Variants in RNF130 observed in about 807,000 individuals in gnomAD.
The protein encoded by RNF130 is E3 ubiquitin-protein ligase RNF130.
In RNF130, 21 loss-of-function variants were observed where a neutral mutation model predicts 44.6. The observed-to-expected ratio is 0.47, with a 90% CI of 0.33 to 0.68. The LOEUF (loss-of-function observed/expected upper bound fraction) is 0.68, where lower values mean the gene tolerates loss of function less well. Ranked by LOEUF, RNF130 falls within the 30% of genes least tolerant of loss-of-function variation. The pLI is 0.02. For missense variants in RNF130, 479 were observed against 560.6 expected (o/e 0.85, Z 1.47); for synonymous variants, 214 against 210.4 (o/e 1.02, Z -0.15).
intron 8 of RNF130, among the ~76,000 whole-genome samples, chr5:179,959,825 G>T (rs1260677896): frequency 6.6e-6 from 1 of 152,158 alleles, no homozygotes; most frequent in African/African-American, 2.4e-5. Flanking sequence ...CATGCCACTG[G>T]ATCATTTGCT....
At chr5:179,924,514 C>T (rs1210755402) in intron 7 of RNF130, among the ~76,000 whole-genome samples, 1 of 138,522 alleles carries the variant, frequency 7.2e-6, no homozygotes, top group Non-Finnish European at 1.5e-5. Flanking sequence ...AAAATAAATA[C>T]AGGCTGGGCG....
At chr5:179,969,570 T>C (rs1762533635) in intron 6 of RNF130, among the ~76,000 whole-genome samples, 1 of 152,018 alleles carries the variant, frequency 6.6e-6, no homozygotes, top group African/African-American at 2.4e-5. Context: ...AGAAGCACCC[T>C]TTTAAAAGTG....
intron 2 of RNF130, among the ~76,000 whole-genome samples, chr5:180,025,578 A>T (rs1406362009): frequency 6.6e-6 from 1 of 152,028 alleles, no homozygotes. Context: ...GGCTATTTTT[A>T]TTTTTTTAAA....
chr5:179,937,931 T>TGAGAGA (rs1352445372), intron 7 of RNF130, among the ~76,000 whole-genome samples: 17 of 131,108 alleles, frequency 1.3e-4, no homozygotes, highest in East Asian at 8.8e-4. Context: ...TGTGTGTGTG[T>TGAGAGA]GTGAGAGAGA....
At chr5:179,965,742 T>G (rs1478823135) in intron 7 of RNF130, among the ~76,000 whole-genome samples, 2 of 152,228 alleles carry the variant, frequency 1.3e-5, no homozygotes, top group Non-Finnish European at 2.9e-5. Context: ...TTTTCTCTAT[T>G]GCATAGCTGA....
intron 2 of RNF130, among the ~76,000 whole-genome samples, chr5:180,021,858 G>A (rs1763878780): frequency 1.3e-5 from 2 of 152,194 alleles, no homozygotes; most frequent in South Asian, 4.1e-4. Context: ...AAGCTTCTGC[G>A]ACTTTCCCAA....
intron 2 of RNF130, among the ~76,000 whole-genome samples, chr5:180,033,496 G>A (rs1764179190): frequency 6.6e-6 from 1 of 152,106 alleles, no homozygotes; most frequent in Non-Finnish European, 1.5e-5. Context: ...GGCTGAGGTG[G>A]GCAGGTCACT....
chr5:179,973,356 C>G (rs1034568251), intron 5 of RNF130, among the ~76,000 whole-genome samples: 6 of 152,194 alleles, frequency 3.9e-5, no homozygotes, highest in Admixed American at 3.9e-4. Context: ...CATTGTCTAA[C>G]CCTCCTGCTA....
intron 3 of RNF130, among the ~76,000 whole-genome samples, chr5:179,984,627 G>A (rs1762913956): frequency 6.6e-6 from 1 of 151,982 alleles, no homozygotes; most frequent in South Asian, 2.1e-4. Context: ...TATATATATT[G>A]TTAAATATAA....
intron 7 of RNF130, chr5:179,939,584 T>C: frequency 2.7e-6 from 1 of 370,250 alleles, no homozygotes; most frequent in South Asian, 2.4e-5. Flanking sequence ...TAACCATTTC[T>C]AGTAGAAGTT....
At chr5:179,934,905 T>C (rs1761866619) in intron 7 of RNF130, among the ~76,000 whole-genome samples, 1 of 152,200 alleles carries the variant, frequency 6.6e-6, no homozygotes, top group Non-Finnish European at 1.5e-5. Flanking sequence ...AGGTAAGATC[T>C]TTATTTCCTT....
chr5:180,028,752 A>G (rs543880474), intron 2 of RNF130, among the ~76,000 whole-genome samples: 183 of 152,352 alleles, frequency 1.2e-3, no homozygotes, highest in African/African-American at 4.3e-3. Context: ...GGCATATAGC[A>G]GGTATAAATC....
At chr5:179,982,441 A>G (rs1762860106) in intron 3 of RNF130, among the ~76,000 whole-genome samples, 1 of 152,064 alleles carries the variant, frequency 6.6e-6, no homozygotes, top group African/African-American at 2.4e-5. Context: ...TAGTTGTCTG[A>G]CTTTTATTTA....
chr5:179,930,848 A>G (rs248227), intron 7 of RNF130, among the ~76,000 whole-genome samples: 55,502 of 151,232 alleles, frequency 0.37, 10,766 homozygotes, highest in East Asian at 0.6. Flanking sequence ...AGACCAGCCC[A>G]GTAAACATAA....
chr5:180,055,455 T>C (rs866046321), intron 1 of RNF130, among the ~76,000 whole-genome samples: 15 of 146,792 alleles, frequency 1.0e-4, no homozygotes, highest in East Asian at 2.1e-4. Flanking sequence ...TGTGTGTGCG[T>C]GTGTGTGTGT....
intron 3 of RNF130, among the ~76,000 whole-genome samples, chr5:180,000,587 ATTTC>A (rs1345884238): frequency 4.0e-5 from 6 of 150,460 alleles, no homozygotes; most frequent in African/African-American, 7.3e-5. Context: ...TTTCATTCTT[ATTTC>A]TTTTTTTTTG....
intron 3 of RNF130, among the ~76,000 whole-genome samples, chr5:180,010,761 G>A (rs569863922): frequency 1.3e-5 from 2 of 152,280 alleles, no homozygotes; most frequent in Admixed American, 6.5e-5. Context: ...GGTGGCTGTG[G>A]TTATAAAAGA....
At chr5:179,999,937 T>C (rs1489564230) in intron 3 of RNF130, among the ~76,000 whole-genome samples, 1 of 152,218 alleles carries the variant, frequency 6.6e-6, no homozygotes, top group Non-Finnish European at 1.5e-5. Flanking sequence ...ATTTTTGTTC[T>C]CTCCTATTGT....
intron 2 of RNF130, among the ~76,000 whole-genome samples, chr5:180,028,834 G>A (rs994246036): frequency 3.4e-4 from 51 of 152,078 alleles, no homozygotes; most frequent in Non-Finnish European, 2.1e-4. Context: ...AAAAACACCA[G>A]GAGAATGAAG....
Sources: allele counts gnomAD v4.1 joint callset (sites outside exome capture counted in the v4.1 genomes callset), GRCh38; gene constraint gnomAD v4.1.1; transcripts MANE v1.5; gene names NCBI Gene and HGNC (gene_info 2026-07-23, HGNC 2026-07-21).